PIGL: variants seen among roughly 807,000 people sequenced by gnomAD.
PIGL encodes phosphatidylinositol glycan anchor biosynthesis class L.
Under a neutral mutation model 31.1 loss-of-function variants are expected in PIGL, and 22 were observed. The ratio of observed to expected loss-of-function variants is 0.71; its 90% CI spans 0.51 to 1.01. The LOEUF (loss-of-function observed/expected upper bound fraction) is 1.01, where lower values mean the gene tolerates loss of function less well. PIGL is among the 50% of genes least tolerant of loss of function. The pLI is 0.00. For missense variants in PIGL, 302 were observed against 315.9 expected, an observed-to-expected ratio of 0.96 and a Z score of 0.33; for synonymous variants, 131 against 117.4, an observed-to-expected ratio of 1.12 and a Z score of -0.75.
chr17:16,233,032 T>G lies in PIGL; in HGVS notation c.236-939T>G, dbSNP rs186645140. On this transcript the variant is annotated intron_variant, in intron 1 of 6. Transcript: ENST00000225609. Reference sequence around the variant, plus strand: ...ACTGAGCTGAGGCAGGAGAATCGCTTGAACTCTGGAGGCAGAGGTTGCAGT... The same window carrying G: ...ACTGAGCTGAGGCAGGAGAATCGCTGGAACTCTGGAGGCAGAGGTTGCAGT... 2.1e-3 allele frequency among the ~76,000 whole-genome samples: 322 copies of G among 151,960 alleles called. 1 individual carries two copies. Among genetic ancestry groups the G allele is most frequent in the African/African-American group, 7.4e-3 (308 of 41,438 alleles).
intron 3 of PIGL, among the ~76,000 whole-genome samples, chr17:16,303,571 C>T (rs149969416): frequency 1.3e-5 from 2 of 151,990 alleles, no homozygotes; most frequent in African/African-American, 4.8e-5. Context: ...TGAAGTCTCG[C>T]TCTGTTGCCT....
chr17:16,322,282 C>G (rs2093109434), intron 6 of PIGL, among the ~76,000 whole-genome samples: 1 of 151,870 alleles, frequency 6.6e-6, no homozygotes, highest in Non-Finnish European at 1.5e-5. Context: ...TTAGTAGAGA[C>G]TGGGTTTCGC....
In PIGL at chr17:16,278,853, T is replaced by A. The variant is rs145199811; in HGVS notation, c.336-21035T>A. Among the ~76,000 whole-genome samples the A allele has an allele frequency of 1.4e-4, 22 of 152,362 alleles. 1 individual carries two copies. The highest frequency in any genetic ancestry group is 5.3e-4 in the African/African-American group (22 of 41,580). On this transcript the variant is annotated intron_variant, in intron 2 of 6. Coordinates refer to ENST00000225609, the MANE Select transcript of PIGL (RefSeq NM_004278.4). ...ATACTTTTTACTTTTCTGACAATAT[T>A]TGATTTAAGCACCTATTATTTTTAA...
chr17:16,262,419 A>C (rs1242879885), intron 2 of PIGL, among the ~76,000 whole-genome samples: 1 of 152,268 alleles, frequency 6.6e-6, no homozygotes, highest in African/African-American at 2.4e-5. Flanking sequence ...AGGAAAAATA[A>C]AAGTGTTCGT....
intron 2 of PIGL, 52 bp downstream of exon 2, chr17:16,234,122 A>T (rs762469631): frequency 9.8e-7 from 1 of 1,021,214 alleles, no homozygotes; most frequent in Non-Finnish European, 1.5e-6. Flanking sequence ...ATATGCAGTG[A>T]TATACTCAAA....
intron 2 of PIGL, among the ~76,000 whole-genome samples, chr17:16,243,822 T>C (rs973316690): frequency 6.6e-6 from 1 of 152,228 alleles, no homozygotes; most frequent in Non-Finnish European, 1.5e-5. Flanking sequence ...CAGAGCCAAT[T>C]TATCCAGATG....
Position 16,231,067 on chromosome 17 carries a change from CTTTTTTTTTTTTT to C in PIGL, c.236-2894_236-2882del, listed in dbSNP as rs59390439. Among the ~76,000 whole-genome samples the C allele has an allele frequency of 6.2e-5, 6 of 96,530 alleles. No individual in the cohort carries two copies. The South Asian group carries it at 2.0e-3, about 32-fold the overall frequency. 63.3% of individuals were successfully genotyped at this position (96,530 alleles called of 152,430 possible). On this transcript the variant is annotated intron_variant, in intron 1 of 6. Coordinates refer to ENST00000225609, the MANE Select transcript of PIGL (RefSeq NM_004278.4). ...GGTTTTTTTTTTGGTTTTGGTTTTT[CTTTTTTTTTTTTT>C]TTTTTTTTTGGTAGAGAGAGGTCTT...
intron 1 of PIGL, among the ~76,000 whole-genome samples, chr17:16,220,179 C>CT (rs1225495734): frequency 6.6e-6 from 1 of 152,002 alleles, no homozygotes; most frequent in Non-Finnish European, 1.5e-5. Context: ...GAAACCCCGT[C>CT]TCTCCTACAA....
At chr17:16,315,235 A>G (rs2093070370) in intron 4 of PIGL, among the ~76,000 whole-genome samples, 1 of 152,218 alleles carries the variant, frequency 6.6e-6, no homozygotes, top group Non-Finnish European at 1.5e-5. Flanking sequence ...TGTGCTTCAG[A>G]TAAAACAATT....
chr17:16,307,654 G>C (rs1600850261), intron 3 of PIGL, among the ~76,000 whole-genome samples: 1 of 152,232 alleles, frequency 6.6e-6, no homozygotes, highest in East Asian at 1.9e-4. Context: ...TGTTATTACA[G>C]CTATTACCAC....
intron 1 of PIGL, among the ~76,000 whole-genome samples, chr17:16,219,408 C>G (rs542095111): frequency 6.6e-6 from 1 of 151,982 alleles, no homozygotes; most frequent in Non-Finnish European, 1.5e-5. Flanking sequence ...CCCCAAAAAC[C>G]TTTGTTACCA....
At position 16,273,480 on chromosome 17, in the gene PIGL, A is replaced by AT. The variant is rs1368022376; in HGVS notation, c.336-26404dup. Among the ~76,000 whole-genome samples the AT allele has an allele frequency of 4.5e-4, 69 of 152,186 alleles. 2 individuals carry two copies. Among genetic ancestry groups the AT allele is most frequent in the Admixed American group, 4.5e-3 (69 of 15,274 alleles). On this transcript the variant is annotated intron_variant, in intron 2 of 6. Coordinates refer to ENST00000225609, the MANE Select transcript of PIGL (RefSeq NM_004278.4). ...TCAAAATGGGCAATAAATTGATCTG[A>AT]TTTTCATTTTAGAAAGACTTCTTTT...
chr17:16,238,922 A>AAC (rs1568787222), intron 2 of PIGL, among the ~76,000 whole-genome samples: 1 of 148,354 alleles, frequency 6.7e-6, no homozygotes, highest in African/African-American at 2.5e-5. Flanking sequence ...AAAAAAAAAA[A>AAC]AAAAAAGACG....
At chr17:16,247,400 C>G (rs2092753168) in intron 2 of PIGL, among the ~76,000 whole-genome samples, 1 of 152,110 alleles carries the variant, frequency 6.6e-6, no homozygotes, top group South Asian at 2.1e-4. Flanking sequence ...AATAGCCTCA[C>G]CAGCTGTGAA....
In PIGL at chr17:16,299,885, T is replaced by C. The variant is rs375037054; in HGVS notation, c.336-3T>C. ...GTGTTCAAGTTGTGCTTCTCTCTTG[T>C]AGGGATTTCCCAGATGACCCAGGCA... On this transcript the variant is annotated splice_polypyrimidine_tract_variant and splice_region_variant and intron_variant, in intron 2 of 6. Coordinates refer to ENST00000225609, the MANE Select transcript of PIGL (RefSeq NM_004278.4). The C allele has an allele frequency of 2.0e-5, 32 of 1,610,492 alleles. No homozygotes were observed. In the African/African-American group the frequency reaches 3.9e-4, roughly 19 times the overall value.
chr17:16,307,489 C>A (rs988873086), intron 3 of PIGL, among the ~76,000 whole-genome samples: 1 of 152,200 alleles, frequency 6.6e-6, no homozygotes, highest in South Asian at 2.1e-4. Context: ...GCACAGTTGG[C>A]AAGACTCTTT....
chr17:16,255,144 C>G (rs1045436311), intron 2 of PIGL, among the ~76,000 whole-genome samples: 1 of 152,152 alleles, frequency 6.6e-6, no homozygotes, highest in Non-Finnish European at 1.5e-5. Context: ...ATTTCTGAGT[C>G]TTAAGTGAAA....
At chr17:16,220,374 T>A (rs1208817897) in intron 1 of PIGL, among the ~76,000 whole-genome samples, 1 of 151,966 alleles carries the variant, frequency 6.6e-6, no homozygotes, top group Non-Finnish European at 1.5e-5. Flanking sequence ...AGAGAGAGCA[T>A]GCACTTGGCA....
chr17:16,312,914 A>AGGGC (rs1568842413), intron 3 of PIGL: 1 of 109,920 alleles, frequency 9.1e-6, no homozygotes, highest in African/African-American at 4.5e-5. Context: ...GACCTTGGAA[A>AGGGC]GAGGGGAGGG....
Sources: gnomAD v4.1 joint callset for allele counts (sites outside exome capture counted in the v4.1 genomes callset) on GRCh38, gnomAD v4.1.1 for gene constraint, MANE v1.5 for transcripts, NCBI Gene and HGNC (gene_info 2026-07-23, HGNC 2026-07-21) for gene names.